The following CDIN1 variants were observed in gnomAD, a reference collection of about 807,000 sequenced individuals.
CDIN1 encodes the protein CDAN1-interacting nuclease 1.
A neutral mutation model predicts 45.3 loss-of-function variants in CDIN1; 33 were observed. The observed-to-expected ratio is 0.73, with a 90% CI of 0.55 to 0.97. The LOEUF (loss-of-function observed/expected upper bound fraction) is 0.97. Among genes scored for constraint, CDIN1 ranks in the 50% least tolerant of loss-of-function variants. The pLI is 0.00. For missense variants in CDIN1, 303 were observed against 339.4 expected (o/e 0.89, Z 0.84); for synonymous variants, 118 against 124.4 (o/e 0.95, Z 0.34).
chr15:36,763,209 G>A (rs887639201), intron 10 of CDIN1, among the ~76,000 whole-genome samples: 24 of 152,092 alleles, frequency 1.6e-4, no homozygotes, highest in Admixed American at 9.8e-4. Context: ...ATGGTATCTC[G>A]TTGTGGTTTT....
intron 10 of CDIN1, among the ~76,000 whole-genome samples, chr15:36,748,299 T>TA (rs1305104776): frequency 6.6e-6 from 1 of 152,262 alleles, no homozygotes; most frequent in Non-Finnish European, 1.5e-5. Context: ...GGTAAATAGA[T>TA]ACGGGATGAG....
At chr15:36,807,681 A>G (rs1276100419) in intron 10 of CDIN1, among the ~76,000 whole-genome samples, 1 of 152,164 alleles carries the variant, frequency 6.6e-6, no homozygotes. Context: ...ACAAGCCTAT[A>G]TGACCTTATT....
rs184490462 is a variant in CDIN1, at chr15:36,767,915, G to A, written c.717-40409G>A. 9.2e-5 allele frequency among the ~76,000 whole-genome samples: 14 copies of A among 152,242 alleles called. No homozygotes were observed. In the East Asian group the frequency reaches 2.5e-3, roughly 27 times the overall value. ...TCCTCATTTTAAGTAGTCATTATTA[G>A]GAATTTGGAAGCCCTGAGAAATTGG... On this transcript the variant is annotated intron_variant, in intron 10 of 10. Coordinates refer to ENST00000566621, the MANE Select transcript of CDIN1 (RefSeq NM_001321759.2).
chr15:36,714,264 T>C (rs2043148964), intron 10 of CDIN1, among the ~76,000 whole-genome samples: 1 of 152,174 alleles, frequency 6.6e-6, no homozygotes, highest in Non-Finnish European at 1.5e-5. Context: ...AGAAAATAAC[T>C]GAGAACTAAA....
intron 5 of CDIN1, among the ~76,000 whole-genome samples, chr15:36,680,566 A>G (rs1031853043): frequency 1.3e-5 from 2 of 152,194 alleles, no homozygotes; most frequent in African/African-American, 2.4e-5. Flanking sequence ...AAGAACCTGT[A>G]TTCAGAATGA....
chr15:36,655,320 T>TG (rs2040736432), intron 4 of CDIN1, among the ~76,000 whole-genome samples: 1 of 11,614 alleles, frequency 8.6e-5, no homozygotes, highest in Admixed American at 2.0e-3. Context: ...TGCTTTTTTT[T>TG]TTTTGCTTTT....
At chr15:36,644,209 C>A in intron 1 of CDIN1, 69 bp from the exon 2 acceptor site, 1 of 1,469,284 alleles carries the variant, frequency 6.8e-7, no homozygotes, top group Non-Finnish European at 9.5e-7. Context: ...ACCTTTGAAG[C>A]TCCTTTCTCT....
Position 36,722,303 on chromosome 15 carries a change from A to ATCTCTCTCTCTCTCTCTC in CDIN1, c.716+12361_716+12378dup, listed in dbSNP as rs5811928. ...GTCCTTCAGGTTACTTTCTTTTGAG[A>ATCTCTCTCTCTCTCTCTC]TCTCTCTCTCTCTCTCTCTCTCTCT... is the stretch of plus-strand genomic sequence containing the variant. On this transcript the variant is annotated intron_variant, in intron 10 of 10. Transcript: ENST00000566621. Among the ~76,000 whole-genome samples, 601 of 140,728 alleles carry ATCTCTCTCTCTCTCTCTC rather than the reference A, an allele frequency of 4.3e-3. 5 individuals carry two copies. Among genetic ancestry groups the ATCTCTCTCTCTCTCTCTC allele is most frequent in the Middle Eastern group, 0.015 (4 of 268 alleles). 92.3% of individuals were successfully genotyped at this position (140,728 alleles called of 152,430 possible). A position where few individuals can be genotyped will look rare whatever the true frequency, so the allele number is the denominator to read the frequency against.
At chr15:36,805,027 C>T (rs1290395554) in intron 10 of CDIN1, among the ~76,000 whole-genome samples, 1 of 151,994 alleles carries the variant, frequency 6.6e-6, no homozygotes. Flanking sequence ...TGAAAAACCT[C>T]ATCTTTCTTG....
At chr15:36,647,537 G>C (rs1048867444) in intron 3 of CDIN1, 9 of 152,206 alleles carry the variant, frequency 5.9e-5, no homozygotes, top group Admixed American at 4.6e-4. Context: ...CCAACCTGCT[G>C]TCTGACTTTC....
rs11297312 is a variant in CDIN1 at position 36,764,214 on chromosome 15, GTT to G, written c.717-44092_717-44091del. Among the ~76,000 whole-genome samples the G allele has an allele frequency of 4.9e-3, 572 of 116,268 alleles. 2 individuals carry two copies. The highest frequency in any genetic ancestry group is 0.011 in the South Asian group (36 of 3,272). 76.3% of individuals were successfully genotyped at this position (116,268 alleles called of 152,430 possible). On this transcript the variant is annotated intron_variant, in intron 10 of 10. Coordinates refer to ENST00000566621, the MANE Select transcript of CDIN1 (RefSeq NM_001321759.2). ...TTTTTATTTTCTTTCTGTGGTTTTG[GTT>G]TTTTTTTTTTTTTTTTTGTCATTGT...
At position 36,808,527 on chromosome 15, in the gene CDIN1, G is replaced by A. The variant is rs1278906512; in HGVS notation, c.*74G>A. On this transcript the variant is annotated 3_prime_UTR_variant, in exon 11 of 11. Coordinates refer to ENST00000566621, the MANE Select transcript of CDIN1 (RefSeq NM_001321759.2). Reference sequence around the variant, plus strand: ...GCAATTTTACTTTCCTGCACTGTAAGATCCTGGCAACATCTGCCCTGAACT... The same window carrying A: ...GCAATTTTACTTTCCTGCACTGTAAAATCCTGGCAACATCTGCCCTGAACT... 1 of 1,565,544 alleles carries A rather than the reference G, an allele frequency of 6.4e-7. No individual in the cohort carries two copies. The highest frequency in any genetic ancestry group is 8.7e-7 in the Non-Finnish European group (1 of 1,152,858).
chr15:36,600,961 T>G (rs1178446314), intron 1 of CDIN1, among the ~76,000 whole-genome samples: 1 of 152,160 alleles, frequency 6.6e-6, no homozygotes, highest in African/African-American at 2.4e-5. Flanking sequence ...GTGATTGACT[T>G]TTATTCGTGA....
intron 1 of CDIN1, chr15:36,591,907 A>T (rs2037593185): frequency 6.6e-6 from 1 of 152,258 alleles, no homozygotes; most frequent in African/African-American, 2.4e-5. Flanking sequence ...GCAAGTATCA[A>T]CAACAAGTGA....
intron 5 of CDIN1, among the ~76,000 whole-genome samples, chr15:36,685,519 A>T (rs1425480882): frequency 6.6e-6 from 1 of 152,186 alleles, no homozygotes; most frequent in Admixed American, 6.5e-5. Context: ...CATGTCTAAA[A>T]CACCAAAAGC....
At chr15:36,794,599 GT>G (rs1444216190) in intron 10 of CDIN1, among the ~76,000 whole-genome samples, 3 of 152,004 alleles carry the variant, frequency 2.0e-5, no homozygotes, top group Non-Finnish European at 4.4e-5. Context: ...TATCCTTGGG[GT>G]TCAATCATGT....
chr15:36,786,743 G>T (rs1217204623), intron 10 of CDIN1, among the ~76,000 whole-genome samples: 1 of 152,114 alleles, frequency 6.6e-6, no homozygotes, highest in Non-Finnish European at 1.5e-5. Context: ...ACTTCCTCAT[G>T]TCTCTGAGTC....
chr15:36,748,699 G>A (rs935806590), intron 10 of CDIN1, among the ~76,000 whole-genome samples: 2 of 152,224 alleles, frequency 1.3e-5, no homozygotes, highest in South Asian at 2.1e-4. Flanking sequence ...GCCATCAACT[G>A]GGGGGTACAT....
intron 10 of CDIN1, among the ~76,000 whole-genome samples, chr15:36,714,668 C>T (rs2043162549): frequency 6.6e-6 from 1 of 152,118 alleles, no homozygotes; most frequent in South Asian, 2.1e-4. Flanking sequence ...TTTCTTCCCA[C>T]CCTCAGCTCC....
Sources: allele counts gnomAD v4.1 joint callset (sites outside exome capture counted in the v4.1 genomes callset), GRCh38; gene constraint gnomAD v4.1.1; transcripts MANE v1.5; gene names NCBI Gene and HGNC (gene_info 2026-07-23, HGNC 2026-07-21).